Variants in MOCOS observed in about 807,000 individuals in gnomAD.
MOCOS encodes the protein molybdenum cofactor sulfurase.
MOCOS carries 86 observed loss-of-function variants against 83.6 expected under a neutral mutation model. The ratio of observed to expected loss-of-function variants is 1.03; its 90% CI spans 0.86 to 1.23. MOCOS has a LOEUF of 1.23. Among genes scored for constraint, MOCOS ranks in the 50% most tolerant of loss-of-function variants. The pLI is 0.00. For synonymous variants in MOCOS, 445 were observed against 434.7 expected (o/e 1.02, Z -0.29); for missense variants, 1,120 against 1,126.9 (o/e 0.99, Z 0.09).
chr18:36,220,474 A>T (rs2091492125), intron 9 of MOCOS, among the ~76,000 whole-genome samples: 1 of 152,124 alleles, frequency 6.6e-6, no homozygotes, highest in African/African-American at 2.4e-5. Flanking sequence ...ATGCCATTGC[A>T]TTCCGGCCTG....
In MOCOS at chr18:36,271,929, T is replaced by C. The variant is rs561756446; in HGVS notation, c.*3244T>C. 1.1e-4 allele frequency: 16 copies of C among 152,326 alleles called. No homozygotes were observed. Among genetic ancestry groups the C allele is most frequent in the African/African-American group, 3.4e-4 (14 of 41,578 alleles). The allele number at this position is 152,326 out of a possible 1,614,324, so 9.4% of individuals were successfully genotyped here. A position where few individuals can be genotyped will look rare whatever the true frequency, so the allele number is the denominator to read the frequency against. Reference sequence around the variant, plus strand: ...AAAAGTTGCTTTTTTATTCAATATGTACTGAACAGGTTCTAGAGTTTCAGA... The same window carrying C: ...AAAAGTTGCTTTTTTATTCAATATGCACTGAACAGGTTCTAGAGTTTCAGA... On this transcript the variant is annotated 3_prime_UTR_variant, in exon 15 of 15. Coordinates refer to ENST00000261326, the MANE Select transcript of MOCOS (RefSeq NM_017947.4).
intron 9 of MOCOS, among the ~76,000 whole-genome samples, chr18:36,231,116 A>G (rs557086141): frequency 2.0e-5 from 3 of 152,044 alleles, no homozygotes; most frequent in Non-Finnish European, 4.4e-5. Flanking sequence ...TTCTTTTCCT[A>G]TTTTGCCAAA....
rs199870151 is a variant in MOCOS, at chr18:36,203,150, G to A, written c.979G>A (p.Ala327Thr). The A allele has an allele frequency of 5.6e-5, 90 of 1,613,964 alleles. No homozygotes were observed. The highest frequency in any genetic ancestry group is 1.6e-4 in the Middle Eastern group (1 of 6,084). ...DGTISFLDVI[A>T]LKHGFDTLER... ...CACCATCTCATTCCTTGATGTTATC[G>A]CGCTAAAACATGGATTTGACACCCT... Residue 327 changes from alanine (A) to threonine (T), a missense_variant, in exon 5 of 15, where the codon GCG becomes ACG. Physicochemically the swap from Ala to Thr is moderately conservative, Grantham distance 58 (BLOSUM62 0). Coordinates refer to ENST00000261326, the MANE Select transcript of MOCOS (RefSeq NM_017947.4).
Position 36,215,708 on chromosome 18 carries a change from G to A in MOCOS, c.1528G>A (p.Ala510Thr). The A allele has an allele frequency of 6.2e-7, 1 of 1,614,170 alleles. No homozygotes were observed. The highest frequency in any genetic ancestry group is 8.5e-7 in the Non-Finnish European group (1 of 1,180,038). Residue 510 changes from alanine (A) to threonine (T), a missense_variant, in exon 8 of 15, where the codon GCC (alanine) becomes ACC (threonine). Ala to Thr is a moderately conservative substitution (Grantham distance 58). Transcript: ENST00000261326. ...CCATGCTGACACCGGGGAGACTGGAGCCCCATCAGCAGACAGCCAGGCTGA... is the reference window on the plus strand; with the variant it reads ...CCATGCTGACACCGGGGAGACTGGAACCCCATCAGCAGACAGCCAGGCTGA... Reference protein sequence around the residue: ...QAHADTGETGAPSADSQADVI... With the variant: ...QAHADTGETGTPSADSQADVI...
At chr18:36,218,522 A>G (rs986795372) in intron 8 of MOCOS, among the ~76,000 whole-genome samples, 1 of 151,796 alleles carries the variant, frequency 6.6e-6, no homozygotes, top group African/African-American at 2.4e-5. Flanking sequence ...TTTGCTTATT[A>G]TTATTTTTTC....
At chr18:36,253,904 T>C (rs2144143611) in intron 11 of MOCOS, among the ~76,000 whole-genome samples, 1 of 152,246 alleles carries the variant, frequency 6.6e-6, no homozygotes, top group African/African-American at 2.4e-5. Flanking sequence ...AGAAGCTTCA[T>C]AACACTGCTT....
intron 9 of MOCOS, among the ~76,000 whole-genome samples, chr18:36,244,432 C>T (rs768328876): frequency 2.6e-5 from 4 of 151,950 alleles, no homozygotes; most frequent in South Asian, 2.1e-4. Flanking sequence ...TGTATAGTTT[C>T]GAGAGTTCTT....
At chr18:36,210,850 C>CCATAAAAAAAAAAAAAAAA (rs2091452445) in intron 6 of MOCOS, among the ~76,000 whole-genome samples, 1 of 48,070 alleles carries the variant, frequency 2.1e-5, no homozygotes, top group Non-Finnish European at 3.5e-5. Context: ...GACTCTGTCT[C>CCATAAAAAAAAAAAAAAAA]AAAAAAAAAA....
intron 1 of MOCOS, among the ~76,000 whole-genome samples, chr18:36,192,612 A>G (rs2091370491): frequency 6.6e-6 from 1 of 152,210 alleles, no homozygotes. Context: ...TAAAATTTAT[A>G]TAGAAATGCA....
At chr18:36,225,115 A>G (rs897379907) in intron 9 of MOCOS, among the ~76,000 whole-genome samples, 2 of 151,730 alleles carry the variant, frequency 1.3e-5, no homozygotes, top group African/African-American at 4.8e-5. Context: ...ATTTCATTTC[A>G]GATTTTGAGT....
At position 36,215,910 on chromosome 18, in the gene MOCOS, G is replaced by T; in HGVS notation, c.1730G>T (p.Gly577Val). 3 of 1,613,746 alleles carry T rather than the reference G, an allele frequency of 1.9e-6. No individual in the cohort carries two copies. Among genetic ancestry groups the T allele is most frequent in the Non-Finnish European group, 2.5e-6 (3 of 1,179,704 alleles). The change falls in exon 8 of 15, where the codon GGG becomes GTG. Residue 577 changes from glycine (G) to valine (V), a missense_variant. Gly to Val is a moderately radical substitution (Grantham distance 109). Coordinates refer to ENST00000261326, the MANE Select transcript of MOCOS (RefSeq NM_017947.4). ...PSEKAAGVLE[G>V]ALGPHVVTNL... is the part of the protein sequence containing the mutation. ...GAGAAAGCTGCAGGAGTCCTGGAGG[G>T]GGCCCTTGGGCCACATGTTGTCACT...
intron 12 of MOCOS, among the ~76,000 whole-genome samples, chr18:36,259,680 C>T (rs571853254): frequency 1.3e-5 from 2 of 152,126 alleles, no homozygotes; most frequent in East Asian, 1.9e-4. Context: ...TGCCTTATGC[C>T]GCCCCACCTT....
At chr18:36,243,337 G>T (rs2091591118) in intron 9 of MOCOS, among the ~76,000 whole-genome samples, 1 of 152,034 alleles carries the variant, frequency 6.6e-6, no homozygotes, top group Non-Finnish European at 1.5e-5. Context: ...GCTGGATTTT[G>T]TTAAATGTTT....
At position 36,199,984 on chromosome 18, in the gene MOCOS, C is replaced by A. The variant is rs1225621001; in HGVS notation, c.601C>A (p.Pro201Thr). The A allele has an allele frequency of 1.2e-6, 2 of 1,614,122 alleles. No individual in the cohort carries two copies. Among genetic ancestry groups the A allele is most frequent in the Admixed American group, 3.3e-5 (2 of 60,006 alleles). ...CCAGCTGCCGCATCTCTTCTGCTACCCAGCTCAGAGTAACTTTTCTGGAGT... is the reference window on the plus strand; with the variant it reads ...CCAGCTGCCGCATCTCTTCTGCTACACAGCTCAGAGTAACTTTTCTGGAGT... ...DCQLPHLFCY[P>T]AQSNFSGVRY... Residue 201 changes from proline to threonine, a missense_variant, in exon 4 of 15, where the codon CCA becomes ACA. By Grantham distance (38) the Pro-to-Thr change is conservative. Transcript: ENST00000261326.
intron 14 of MOCOS, among the ~76,000 whole-genome samples, chr18:36,267,875 AG>A (rs2091686860): frequency 6.6e-6 from 1 of 152,216 alleles, no homozygotes; most frequent in African/African-American, 2.4e-5. Flanking sequence ...GAGAGTGCAG[AG>A]GCTGCACTTT....
chr18:36,207,034 A>G (rs78324169), intron 6 of MOCOS, among the ~76,000 whole-genome samples: 8,584 of 152,180 alleles, frequency 0.056, 281 homozygotes, highest in East Asian at 0.098. Context: ...GCTGGATTCA[A>G]TGGTAGCTCT....
intron 9 of MOCOS, among the ~76,000 whole-genome samples, chr18:36,246,181 T>A (rs1239671575): frequency 6.6e-6 from 1 of 152,232 alleles, no homozygotes; most frequent in Non-Finnish European, 1.5e-5. Flanking sequence ...AGTGATCTTT[T>A]GATGGTGTTA....
chr18:36,259,304 G>T lies in MOCOS; in HGVS notation c.2271-733G>T, dbSNP rs540952494. Among the ~76,000 whole-genome samples, 6 of 152,036 alleles carry T rather than the reference G, an allele frequency of 3.9e-5. No homozygotes were observed. The South Asian group carries it at 1.2e-3, about 32-fold the overall frequency. On this transcript the variant is annotated intron_variant, in intron 12 of 14. Coordinates refer to ENST00000261326, the MANE Select transcript of MOCOS (RefSeq NM_017947.4). ...AAAAAAGTAAAAATAAGTTAGCTGG[G>T]CATGGTGGCACATGCTTGTAGTCCC...
At chr18:36,201,922 G>A (rs1007342207) in intron 4 of MOCOS, among the ~76,000 whole-genome samples, 1 of 152,016 alleles carries the variant, frequency 6.6e-6, no homozygotes, top group Admixed American at 6.5e-5. Flanking sequence ...AGAACAAAGC[G>A]ACACCTCAAA....
Sources: allele counts gnomAD v4.1 joint callset (sites outside exome capture counted in the v4.1 genomes callset), GRCh38; gene constraint gnomAD v4.1.1; transcripts MANE v1.5; gene names NCBI Gene and HGNC (gene_info 2026-07-23, HGNC 2026-07-21).